DICER1: variants seen among roughly 807,000 people sequenced by gnomAD.
DICER1 encodes the protein dicer 1, ribonuclease III.
In DICER1, 43 loss-of-function variants were observed where a neutral mutation model predicts 194.1. That is an observed-to-expected ratio of 0.22 (90% CI 0.17 to 0.29). DICER1 has a LOEUF of 0.29. DICER1 is among the 10% of genes least tolerant of loss of function. DICER1 has a pLI of 1.00. For missense variants in DICER1, 1,608 were observed against 2,317.0 expected (o/e 0.69, Z 6.28); for synonymous variants, 832 against 820.5 (o/e 1.01, Z -0.24).
At chr14:95,145,961 C>T (rs1895105755) in intron 1 of DICER1, among the ~76,000 whole-genome samples, 1 of 152,148 alleles carries the variant, frequency 6.6e-6, no homozygotes, top group African/African-American at 2.4e-5. Context: ...ACACTCCCCG[C>T]CACCAATTTA....
rs767029582 is a variant in DICER1 at position 95,106,070 on chromosome 14, T to C, written c.2958A>G (p.Pro986=). ...AAGATGTGTGGTCCACATCCAGCAG[T>C]GGCTGGTTGAGATTGGTTAGGTCAA... The part of the protein sequence containing the change: ...YNLDLTNLNQ[P]LLDVDHTSSR... The change falls in exon 18 of 27, where the codon CCA becomes CCG. Residue 986 remains proline (P), a synonymous_variant. Coordinates refer to ENST00000343455, the MANE Select transcript of DICER1 (RefSeq NM_177438.3). 5 of 1,614,164 alleles carry C rather than the reference T, an allele frequency of 3.1e-6. No homozygotes were observed. In the Admixed American group the frequency reaches 8.3e-5, roughly 27 times the overall value.
chr14:95,104,179 G>A lies in DICER1; in HGVS notation c.3270-53C>T, dbSNP rs1020607992. On this transcript the variant is annotated intron_variant, in intron 20 of 26. Transcript: ENST00000343455. ...TCAGATTCTTCAAAACAGCTAGGCTGAGAGCAACAGCAATTTGAATTTAAA... is the reference window on the plus strand; with the variant it reads ...TCAGATTCTTCAAAACAGCTAGGCTAAGAGCAACAGCAATTTGAATTTAAA... 3.6e-6 allele frequency: 5 copies of A among 1,405,930 alleles called. No homozygotes were observed. In the Admixed American group the frequency reaches 7.0e-5, roughly 20 times the overall value. The allele number at this position is 1,405,930 out of a possible 1,614,324, so 87.1% of individuals were successfully genotyped here.
At position 95,103,418 on chromosome 14, in the gene DICER1, G is replaced by A; in HGVS notation, c.3978C>T (p.Ala1326=). ...EMLGDSFLKH[A]ITTYLFCTYP... is the part of the protein sequence containing the mutation. ...AAGTGCAAAATAGATATGTGGTGAT[G>A]GCATGCTTTAAAAAGGAGTCGCCAA... is the stretch of plus-strand genomic sequence containing the variant. Residue 1326 remains alanine, a synonymous_variant, in exon 21 of 27, where the codon GCC becomes GCT. Coordinates refer to ENST00000343455, the MANE Select transcript of DICER1 (RefSeq NM_177438.3). 1 of 1,614,208 alleles carries A rather than the reference G, an allele frequency of 6.2e-7. No homozygotes were observed. Among genetic ancestry groups the A allele is most frequent in the Non-Finnish European group, 8.5e-7 (1 of 1,180,040 alleles).
At chr14:95,098,663 T>C (rs1347385273) in intron 22 of DICER1, among the ~76,000 whole-genome samples, 1 of 152,236 alleles carries the variant, frequency 6.6e-6, no homozygotes, top group Non-Finnish European at 1.5e-5. Context: ...GTTACTGGAA[T>C]GTTATTCATA....
intron 26 of DICER1, 30 bp from the exon 27 acceptor site, chr14:95,090,693 A>G (rs1889719180): frequency 1.2e-6 from 2 of 1,612,752 alleles, no homozygotes; most frequent in South Asian, 2.2e-5. Flanking sequence ...CTTGAATTAG[A>G]AGTCAGAAGT....
intron 1 of DICER1, among the ~76,000 whole-genome samples, chr14:95,133,966 T>C (rs927081991): frequency 1.3e-5 from 2 of 152,210 alleles, no homozygotes; most frequent in Non-Finnish European, 2.9e-5. Context: ...GTTAAATATA[T>C]GTACATATAT....
At chr14:95,100,347 C>T (rs1281094483) in intron 21 of DICER1, among the ~76,000 whole-genome samples, 1 of 152,158 alleles carries the variant, frequency 6.6e-6, no homozygotes, top group Middle Eastern at 3.2e-3. Context: ...ACAATATTTT[C>T]AATGAAATGG....
rs915873663 is a variant in DICER1, at chr14:95,130,758, T to C, written c.439-566A>G. Among the ~76,000 whole-genome samples, 5 of 152,318 alleles carry C rather than the reference T, an allele frequency of 3.3e-5. No homozygotes were observed. In the East Asian group the frequency reaches 9.7e-4, roughly 29 times the overall value. On this transcript the variant is annotated intron_variant, in intron 4 of 26. Coordinates refer to ENST00000343455, the MANE Select transcript of DICER1 (RefSeq NM_177438.3). ...ACCAAAAGCCCCAGTACATGCTGGCTACATGGAAACATGTAAGTTAGAGGA... is the reference window on the plus strand; with the variant it reads ...ACCAAAAGCCCCAGTACATGCTGGCCACATGGAAACATGTAAGTTAGAGGA...
intron 1 of DICER1, among the ~76,000 whole-genome samples, chr14:95,142,410 T>C (rs149170370): frequency 2.0e-4 from 31 of 152,308 alleles, no homozygotes; most frequent in African/African-American, 7.2e-4. Flanking sequence ...CGCCACCTAG[T>C]AGGATGCAAA....
At position 95,117,655 on chromosome 14, in the gene DICER1, T is replaced by C. The variant is rs564729021; in HGVS notation, c.1476A>G (p.Lys492=). 3.1e-6 allele frequency: 5 copies of C among 1,614,124 alleles called. No individual in the cohort carries two copies. In the South Asian group the frequency reaches 5.5e-5, roughly 18 times the overall value. Residue 492 remains lysine (K), a synonymous_variant, in exon 9 of 27, where the codon AAA becomes AAG. Transcript: ENST00000343455. Reference sequence around the variant, plus strand: ...GTTTTCTGAATTCTGCTTCCATCTGTTTGTTGCGAGGCTGATTCTTCCCAA... The same window carrying C: ...GTTTTCTGAATTCTGCTTCCATCTGCTTGTTGCGAGGCTGATTCTTCCCAA... ...HGIGKNQPRN[K]QMEAEFRKQE...
intron 1 of DICER1, among the ~76,000 whole-genome samples, chr14:95,148,346 T>C (rs1895279122): frequency 6.6e-6 from 1 of 152,136 alleles, no homozygotes; most frequent in Non-Finnish European, 1.5e-5. Flanking sequence ...ATTTTGAAGC[T>C]ACCAGGAGCT....
chr14:95,118,058 G>A (rs948337991), intron 8 of DICER1, among the ~76,000 whole-genome samples: 6 of 152,180 alleles, frequency 3.9e-5, no homozygotes, highest in Non-Finnish European at 8.8e-5. Context: ...GGCCCAGGAT[G>A]AGACTGAGCT....
At chr14:95,151,793 T>A (rs1595511600) in intron 1 of DICER1, among the ~76,000 whole-genome samples, 1 of 152,128 alleles carries the variant, frequency 6.6e-6, no homozygotes, top group South Asian at 2.1e-4. Context: ...AGGCTGTGAG[T>A]TCATCATGTT....
chr14:95,147,433 G>T (rs889222325), intron 1 of DICER1, among the ~76,000 whole-genome samples: 1 of 152,172 alleles, frequency 6.6e-6, no homozygotes, highest in African/African-American at 2.4e-5. Context: ...GCACTCCAGA[G>T]TAAGACCCTG....
chr14:95,130,168 C>T lies in DICER1; in HGVS notation c.463G>A (p.Ala155Thr), dbSNP rs745802492. The T allele has an allele frequency of 5.0e-6, 8 of 1,612,736 alleles. No individual in the cohort carries two copies. Among genetic ancestry groups the T allele is most frequent in the East Asian group, 2.2e-5 (1 of 44,762 alleles). ...HQVLIMTCYV[A>T]LNVLKNGYLS... Reference sequence around the variant, plus strand: ...TAACCATTTTTCAAAACATTCAAGGCGACATAGCAAGTCATAATGAGAACC... The same window carrying T: ...TAACCATTTTTCAAAACATTCAAGGTGACATAGCAAGTCATAATGAGAACC... Residue 155 changes from alanine to threonine, a missense_variant, in exon 5 of 27, where the codon GCC becomes ACC. Coordinates refer to ENST00000343455, the MANE Select transcript of DICER1 (RefSeq NM_177438.3).
At chr14:95,091,477 G>C (rs1303029233) in intron 24 of DICER1, 112 bp from the exon 25 acceptor site, 2 of 955,644 alleles carry the variant, frequency 2.1e-6, no homozygotes, top group African/African-American at 3.2e-5. Flanking sequence ...TTAGTAAGGG[G>C]GGAAATACCA....
intron 11 of DICER1, 88 bp from the exon 12 acceptor site, chr14:95,113,312 C>G: frequency 7.9e-7 from 1 of 1,264,462 alleles, no homozygotes; most frequent in Admixed American, 1.8e-5. Flanking sequence ...TCATGTGCCT[C>G]TTCCCCTCTA....
In DICER1 at chr14:95,117,650, A is replaced by G. The variant is rs1269571329; in HGVS notation, c.1481T>C (p.Met494Thr). The G allele has an allele frequency of 1.9e-6, 3 of 1,614,034 alleles. No homozygotes were observed. Among genetic ancestry groups the G allele is most frequent in the South Asian group, 1.1e-5 (1 of 91,082 alleles). Residue 494 changes from methionine (M) to threonine (T), a missense_variant, in exon 9 of 27, where the codon ATG becomes ACG. Around this residue, in one of 10 missense-constraint regions of DICER1, gnomAD observed 657 missense variants for 910.1 expected, o/e 0.72. Transcript: ENST00000343455. ...TTCCTGTTTTCTGAATTCTGCTTCC[A>G]TCTGTTTGTTGCGAGGCTGATTCTT... The part of the protein sequence containing the change: ...IGKNQPRNKQ[M>T]EAEFRKQEEV...
At chr14:95,132,817 C>A in intron 2 of DICER1, 140 bp from the exon 3 acceptor site, 1 of 794,894 alleles carries the variant, frequency 1.3e-6, no homozygotes, top group South Asian at 1.6e-5. Flanking sequence ...ACCCCACAGT[C>A]TACGTCTTTA....
Sources: gnomAD v4.1 joint callset for allele counts (sites outside exome capture counted in the v4.1 genomes callset) on GRCh38, gnomAD v4.1.1 for gene constraint, gnomAD v4.1.1 regional missense constraint, MANE v1.5 for transcripts, NCBI Gene and HGNC (gene_info 2026-07-23, HGNC 2026-07-21) for gene names.